NHSL2: variants seen among roughly 807,000 people sequenced by gnomAD.
The protein encoded by NHSL2 is NHS-like protein 2.
Under a neutral mutation model 53.4 loss-of-function variants are expected in NHSL2, and 27 were observed. The observed-to-expected ratio is 0.51, with a 90% CI of 0.37 to 0.70. The LOEUF is 0.70. Among genes scored for constraint, NHSL2 ranks in the 30% least tolerant of loss-of-function variants. NHSL2 has a pLI of 0.00. For synonymous variants in NHSL2, 408 were observed against 404.1 expected, an observed-to-expected ratio of 1.01 and a Z score of -0.12; for missense variants, 892 against 980.1, an observed-to-expected ratio of 0.91 and a Z score of 1.20.
chrX:72,139,195 C>T lies in NHSL2; in HGVS notation c.1647C>T (p.Ala549=). Reference sequence around the variant, plus strand: ...CCTCCCTTAGTGCCCAGCAAGAGGCCCAGCACAGAAGGCAGAGGTCCAAGA... The same window carrying T: ...CCTCCCTTAGTGCCCAGCAAGAGGCTCAGCACAGAAGGCAGAGGTCCAAGA... ...NIASLSAQQE[A]QHRRQRSKSI... The change falls in exon 6 of 8, where the codon GCC becomes GCT. Residue 549 remains alanine, a synonymous_variant. Coordinates refer to ENST00000633930, the MANE Select transcript of NHSL2 (RefSeq NM_001013627.3). The T allele has an allele frequency of 8.5e-7, 1 of 1,174,677 alleles. No homozygotes were observed.
chrX:72,021,060 T>TAC (rs68122154), intron 1 of NHSL2, among the ~76,000 whole-genome samples: 7 of 106,828 alleles, frequency 6.6e-5, no homozygotes, highest in African/African-American at 2.4e-4. Flanking sequence ...CGCGTGCGCA[T>TAC]ACACACACAC....
At chrX:71,952,466 G>T (rs1363144948) in intron 1 of NHSL2, among the ~76,000 whole-genome samples, 10 of 111,614 alleles carry the variant, frequency 9.0e-5, no homozygotes, top group Non-Finnish European at 1.9e-4. Flanking sequence ...AGATCTGGAG[G>T]CTGGAAAGTC....
At position 72,150,744 on chromosome X, in the gene NHSL2, C is replaced by G. The variant is rs778610389; in HGVS notation, c.*7170C>G. On this transcript the variant is annotated 3_prime_UTR_variant, in exon 8 of 8. Transcript: ENST00000633930. ...AAGCCATGCATCTTTTAGAGCCACA[C>G]TAGTCAAATTGATTGGCATTTCCAT... is the stretch of plus-strand genomic sequence containing the variant. The G allele has an allele frequency of 8.9e-6, 1 of 112,229 alleles. No homozygotes were observed. The highest frequency in any genetic ancestry group is 1.9e-5 in the Non-Finnish European group (1 of 53,279). 9.2% of individuals were successfully genotyped at this position (112,229 alleles called of 1,213,427 possible).
At chrX:72,069,593 GAGGAGGAGGAGGAGGAGT>G (rs1395833894) in intron 1 of NHSL2, 8 of 523,857 alleles carry the variant, frequency 1.5e-5, no homozygotes, top group East Asian at 5.5e-5. Context: ...AGCACAGGCA[GAGGAGGAGGAGGAGGAGT>G]AGGAGGAGGA....
At chrX:72,058,702 G>A (rs892779758) in intron 1 of NHSL2, among the ~76,000 whole-genome samples, 3 of 112,361 alleles carry the variant, frequency 2.7e-5, no homozygotes, top group African/African-American at 9.7e-5. Context: ...GATCTGTTAG[G>A]ATTCTCCAGT....
chrX:72,069,846 G>C, intron 1 of NHSL2: 1 of 363,163 alleles, frequency 2.8e-6, no homozygotes, highest in Non-Finnish European at 4.3e-6. Context: ...GGCGTGACTT[G>C]CAGGGGCTGG....
chrX:72,020,134 G>C (rs1162435970), intron 1 of NHSL2, among the ~76,000 whole-genome samples: 3 of 112,681 alleles, frequency 2.7e-5, no homozygotes, highest in African/African-American at 9.7e-5. Context: ...CACTAACACA[G>C]GCTAATTGTG....
intron 1 of NHSL2, among the ~76,000 whole-genome samples, chrX:72,096,633 T>C (rs922684206): frequency 1.8e-5 from 2 of 112,408 alleles, no homozygotes; most frequent in Non-Finnish European, 3.8e-5. Context: ...ATGTAATTAT[T>C]TGTACATATA....
At chrX:72,130,686 G>A in intron 1 of NHSL2, 1 of 1,211,940 alleles carries the variant, frequency 8.3e-7, no homozygotes, top group Non-Finnish European at 1.1e-6. Context: ...AGAGCTCTTT[G>A]CGGAAGAATT....
At chrX:72,118,012 G>A (rs946554912) in intron 1 of NHSL2, among the ~76,000 whole-genome samples, 2 of 110,171 alleles carry the variant, frequency 1.8e-5, no homozygotes, top group Admixed American at 1.9e-4. Flanking sequence ...GGGCCAAATG[G>A]TAACTCTGTG....
At chrX:72,015,085 G>A (rs139351147) in intron 1 of NHSL2, among the ~76,000 whole-genome samples, 368 of 111,143 alleles carry the variant, frequency 3.3e-3, no homozygotes, top group Non-Finnish European at 5.5e-3. Flanking sequence ...GCCCCTGTTG[G>A]TATTTTCAGT....
intron 1 of NHSL2, among the ~76,000 whole-genome samples, chrX:72,089,600 G>A (rs761545680): frequency 9.9e-5 from 11 of 111,042 alleles, no homozygotes; most frequent in Non-Finnish European, 1.3e-4. Flanking sequence ...GGCTGGGGAG[G>A]CATCCCAGTG....
Position 72,091,176 on chromosome X carries a change from G to A in NHSL2, c.281-40903G>A, listed in dbSNP as rs1231658123. 4.4e-5 allele frequency among the ~76,000 whole-genome samples: 5 copies of A among 112,403 alleles called. No homozygotes were observed. The South Asian group carries it at 1.1e-3, about 25-fold the overall frequency. On this transcript the variant is annotated intron_variant, in intron 1 of 7. Coordinates refer to ENST00000633930, the MANE Select transcript of NHSL2 (RefSeq NM_001013627.3). The stretch of plus-strand genomic sequence containing the variant: ...GCATTAAAATTTTTGACAGTTAGCC[G>A]GGCGCAGTGGCTCACGCCTGTAATC...
At chrX:72,071,822 C>T (rs1441568840) in intron 1 of NHSL2, among the ~76,000 whole-genome samples, 1 of 112,399 alleles carries the variant, frequency 8.9e-6, no homozygotes, top group East Asian at 2.8e-4. Flanking sequence ...CCTCACCACA[C>T]ACTTTACAGT....
At chrX:71,920,874 G>A (rs1017775168) in intron 1 of NHSL2, among the ~76,000 whole-genome samples, 9 of 110,221 alleles carry the variant, frequency 8.2e-5, no homozygotes, top group African/African-American at 2.6e-4. Flanking sequence ...TGCGATCTCG[G>A]CCCACTGCAA....
chrX:72,087,743 G>A (rs1428090989), intron 1 of NHSL2, among the ~76,000 whole-genome samples: 10 of 111,217 alleles, frequency 9.0e-5, no homozygotes, highest in Non-Finnish European at 3.8e-5. Flanking sequence ...GTGGTGGCAC[G>A]CACCTATAAT....
intron 1 of NHSL2, among the ~76,000 whole-genome samples, chrX:72,083,987 T>C (rs1231286612): frequency 8.9e-6 from 1 of 112,088 alleles, no homozygotes; most frequent in Non-Finnish European, 1.9e-5. Context: ...GTCTTTCCCA[T>C]ATCCTTGCCC....
In NHSL2 at chrX:72,144,892, C is replaced by T. The variant is rs1231802591; in HGVS notation, c.*1318C>T. 1 of 128,205 alleles carries T rather than the reference C, an allele frequency of 7.8e-6. No individual in the cohort carries two copies. The highest frequency in any genetic ancestry group is 1.6e-5 in the Non-Finnish European group (1 of 64,472). The allele number at this position is 128,205 out of a possible 1,213,427, so 10.6% of individuals were successfully genotyped here. ...GACCCCTCCCTGCCCCCACCCCCCA[C>T]GAAGCTTATAGGCACTAACTATTCT... On this transcript the variant is annotated 3_prime_UTR_variant, in exon 8 of 8. Coordinates refer to ENST00000633930, the MANE Select transcript of NHSL2 (RefSeq NM_001013627.3).
intron 1 of NHSL2, among the ~76,000 whole-genome samples, chrX:72,004,917 C>T (rs2147887681): frequency 9.0e-6 from 1 of 110,840 alleles, no homozygotes; most frequent in Non-Finnish European, 1.9e-5. Flanking sequence ...TGTAAGCTCC[C>T]CTTGCTGGGA....
Sources: gnomAD v4.1 joint callset for allele counts (sites outside exome capture counted in the v4.1 genomes callset) on GRCh38, gnomAD v4.1.1 for gene constraint, MANE v1.5 for transcripts, NCBI Gene and HGNC (gene_info 2026-07-23, HGNC 2026-07-21) for gene names.